Variants in TENM3 observed in about 807,000 individuals in gnomAD.
TENM3 encodes the protein teneurin transmembrane protein 3, also known as teneurin-3.
TENM3 carries 63 observed loss-of-function variants against 255.1 expected under a neutral mutation model. That is an observed-to-expected ratio of 0.25 (90% CI 0.20 to 0.30). The LOEUF is 0.30. Ranked by LOEUF, TENM3 falls within the 10% of genes least tolerant of loss-of-function variation. The probability of loss-of-function intolerance (pLI) is 1.00; values close to 1 mark genes in which losing one functional copy is unlikely to be tolerated. For synonymous variants in TENM3, 1,306 were observed against 1,322.3 expected (o/e 0.99, Z 0.27); for missense variants, 2,929 against 3,461.1 (o/e 0.85, Z 3.86).
chr4:181,668,339 A>G, the TENM3 span, among the ~76,000 whole-genome samples: 4 of 152,172 alleles, frequency 2.6e-5, no homozygotes, highest in Non-Finnish European at 5.9e-5. Flanking sequence ...CTCCAGTTTT[A>G]TTCCTGTATT....
At chr4:181,460,373 C>T in the TENM3 span, among the ~76,000 whole-genome samples, 1 of 151,904 alleles carries the variant, frequency 6.6e-6, no homozygotes, top group East Asian at 1.9e-4. Context: ...TTCCATCTTT[C>T]ACCATTAACA....
At chr4:182,501,463 T>A (rs545246901) in intron 3 of TENM3, among the ~76,000 whole-genome samples, 1 of 152,086 alleles carries the variant, frequency 6.6e-6, no homozygotes, top group African/African-American at 2.4e-5. Context: ...ATATCCTGAG[T>A]TGAGTCATAT....
At chr4:182,012,599 C>G in the TENM3 span, 10 of 152,206 alleles carry the variant, frequency 6.6e-5, no homozygotes, top group Non-Finnish European at 1.3e-4. Context: ...GGACCATACC[C>G]TGCAACATGT....
At chr4:181,538,987 G>A in the TENM3 span, among the ~76,000 whole-genome samples, 1 of 152,140 alleles carries the variant, frequency 6.6e-6, no homozygotes, top group African/African-American at 2.4e-5. Flanking sequence ...AATGCTTAAT[G>A]TTTGACTTAT....
At chr4:182,044,246 G>GA in the TENM3 span, among the ~76,000 whole-genome samples, 2 of 151,864 alleles carry the variant, frequency 1.3e-5, no homozygotes, top group Non-Finnish European at 1.5e-5. Context: ...AAAAAGAAAA[G>GA]AAAAAAACAC....
intron 22 of TENM3, among the ~76,000 whole-genome samples, chr4:182,762,521 G>A (rs1396460034): frequency 1.3e-5 from 2 of 152,206 alleles, no homozygotes; most frequent in African/African-American, 4.8e-5. Context: ...CAGAACTGAA[G>A]ATTGACAAAT....
At chr4:182,426,587 TA>T (rs1176761877) in intron 3 of TENM3, among the ~76,000 whole-genome samples, 2 of 152,340 alleles carry the variant, frequency 1.3e-5, no homozygotes, top group African/African-American at 4.8e-5. Flanking sequence ...AAATTGGGAC[TA>T]ATCTAGTCAT....
rs1345411682 is a variant in TENM3 at position 182,442,396 on chromosome 4, T to C, written c.511+95467T>C. Reference sequence around the variant, plus strand: ...TATAAAAGTTTGTGTGATTTCTATGTTCTGTCCACTGCATAAAGGATTTGA... The same window carrying C: ...TATAAAAGTTTGTGTGATTTCTATGCTCTGTCCACTGCATAAAGGATTTGA... On this transcript the variant is annotated intron_variant, in intron 3 of 27. Transcript: ENST00000511685. Among the ~76,000 whole-genome samples the C allele has an allele frequency of 4.6e-5, 7 of 152,244 alleles. No individual in the cohort carries two copies. In the East Asian group the frequency reaches 1.3e-3, roughly 29 times the overall value.
chr4:182,505,460 T>C (rs1736716245), intron 3 of TENM3, among the ~76,000 whole-genome samples: 1 of 145,112 alleles, frequency 6.9e-6, no homozygotes, highest in Non-Finnish European at 1.5e-5. Flanking sequence ...CTTTTCCTTT[T>C]ATTTTATTTT....
chr4:182,135,390 T>C, the TENM3 span, among the ~76,000 whole-genome samples: 1 of 152,078 alleles, frequency 6.6e-6, no homozygotes, highest in African/African-American at 2.4e-5. Context: ...CCATGACCCA[T>C]GTGATGATGG....
At chr4:182,308,836 G>T (rs1280592438) in intron 1 of TENM3, among the ~76,000 whole-genome samples, 8 of 152,166 alleles carry the variant, frequency 5.3e-5, no homozygotes, top group Admixed American at 5.2e-4. Flanking sequence ...TTCTGTGTGA[G>T]CCTATACCTA....
intron 22 of TENM3, among the ~76,000 whole-genome samples, chr4:182,761,578 C>G (rs1181001669): frequency 2.0e-5 from 3 of 151,334 alleles, no homozygotes; most frequent in Non-Finnish European, 4.4e-5. Context: ...AACTGAGCAG[C>G]CCACTTTATA....
chr4:181,568,517 C>A, the TENM3 span, among the ~76,000 whole-genome samples: 1 of 152,018 alleles, frequency 6.6e-6, no homozygotes, highest in Non-Finnish European at 1.5e-5. Context: ...CTGCTACCAT[C>A]TTGGGGTCCA....
chr4:181,858,509 T>G, the TENM3 span, among the ~76,000 whole-genome samples: 13 of 152,094 alleles, frequency 8.5e-5, no homozygotes, highest in Admixed American at 8.5e-4. Flanking sequence ...TACAAGATAC[T>G]GGGCTAAAAA....
the TENM3 span, among the ~76,000 whole-genome samples, chr4:181,587,493 C>T: frequency 6.6e-6 from 1 of 152,180 alleles, no homozygotes; most frequent in East Asian, 1.9e-4. Context: ...CATAGCACTA[C>T]CTTAGCGCCT....
At chr4:182,436,789 G>A (rs541832866) in intron 3 of TENM3, among the ~76,000 whole-genome samples, 4 of 151,814 alleles carry the variant, frequency 2.6e-5, no homozygotes, top group East Asian at 2.0e-4. Flanking sequence ...AGGCCAAGGC[G>A]GGCAGATCAT....
At chr4:181,704,862 G>T in the TENM3 span, among the ~76,000 whole-genome samples, 1 of 151,900 alleles carries the variant, frequency 6.6e-6, no homozygotes, top group Admixed American at 6.6e-5. Context: ...GTGAAACCCC[G>T]TCTCTACTAA....
intron 1 of TENM3, among the ~76,000 whole-genome samples, chr4:182,214,780 A>G (rs1213937599): frequency 6.6e-6 from 1 of 152,198 alleles, no homozygotes; most frequent in Non-Finnish European, 1.5e-5. Flanking sequence ...AAAGCACTTA[A>G]ATTGCGACAG....
At chr4:182,364,167 A>T (rs1028947555) in intron 3 of TENM3, among the ~76,000 whole-genome samples, 1 of 151,920 alleles carries the variant, frequency 6.6e-6, no homozygotes, top group African/African-American at 2.4e-5. Flanking sequence ...ATGGGATACG[A>T]CAGATGTGAT....
Sources: gnomAD v4.1 joint callset for allele counts (sites outside exome capture counted in the v4.1 genomes callset) on GRCh38, gnomAD v4.1.1 for gene constraint, MANE v1.5 for transcripts, NCBI Gene and HGNC (gene_info 2026-07-23, HGNC 2026-07-21) for gene names.